Variants in TMC8 observed in about 807,000 individuals in gnomAD.
TMC8 encodes the protein transmembrane channel like 8.
Under a neutral mutation model 76.0 loss-of-function variants are expected in TMC8, and 71 were observed. The observed-to-expected ratio is 0.93, with a 90% confidence interval of 0.77 to 1.14. The LOEUF (loss-of-function observed/expected upper bound fraction) is 1.14. TMC8 is among the 50% of genes most tolerant of loss of function. TMC8 has a pLI of 0.00. For missense variants in TMC8, 924 were observed against 947.9 expected (o/e 0.97, Z 0.33); for synonymous variants, 433 against 433.8 (o/e 1.00, Z 0.02).
Position 78,135,021 on chromosome 17 carries a change from C to T in TMC8, c.1127+12C>T, listed in dbSNP as rs771260682. The T allele has an allele frequency of 6.2e-7, 1 of 1,613,706 alleles. No individual in the cohort carries two copies. The highest frequency in any genetic ancestry group is 2.2e-5 in the East Asian group (1 of 44,880). Reference sequence around the variant, plus strand: ...CTCACTCTGATCTGGTGAGTGCCACCCTTGGTGGGGACAAGTGGGCATGTA... The same window carrying T: ...CTCACTCTGATCTGGTGAGTGCCACTCTTGGTGGGGACAAGTGGGCATGTA... On this transcript the variant is annotated intron_variant, in intron 9 of 15. Transcript: ENST00000318430.
intron 9 of TMC8, chr17:78,136,814 C>A (rs932631800): frequency 4.5e-5 from 15 of 335,174 alleles, no homozygotes; most frequent in Non-Finnish European, 2.3e-5. Flanking sequence ...GTAATCCCAG[C>A]ACTTTGGGAG....
At position 78,131,302 on chromosome 17, in the gene TMC8, CTG is replaced by C; in HGVS notation, c.-281_-280del. 1 of 551,762 alleles carries C rather than the reference CTG, an allele frequency of 1.8e-6. No homozygotes were observed. 34.2% of individuals were successfully genotyped at this position (551,762 alleles called of 1,614,324 possible). On this transcript the variant is annotated 5_prime_UTR_variant, in exon 2 of 16. It introduces an in-frame stop codon into an upstream open reading frame of the 5' UTR. Coordinates refer to ENST00000318430, the MANE Select transcript of TMC8 (RefSeq NM_152468.5). ...ACAGATGGGGAGACTGAGGCCGTGG[CTG>C]TGTGTCCCTCTGAGAGTTGGAGCGG... is the stretch of plus-strand genomic sequence containing the variant.
intron 6 of TMC8, 81 bp downstream of exon 6, chr17:78,133,623 T>C: frequency 6.3e-7 from 1 of 1,595,704 alleles, no homozygotes; most frequent in African/African-American, 1.3e-5. Flanking sequence ...TACCCTCCCA[T>C]TGGCAGGAAG....
rs1238460007 is a variant in TMC8, at chr17:78,132,815, C to A, written c.476C>A (p.Ser159Tyr). 6.2e-7 allele frequency: 1 copy of A among 1,614,202 alleles called. No individual in the cohort carries two copies. The highest frequency in any genetic ancestry group is 1.1e-5 in the South Asian group (1 of 91,078). ...CTCCAGTGCCCTGGTAGCCGCCAGT[C>A]CCCGCCTGGCGTTTTGAGGTTCCAC... ...LTLQCPGSRQ[S>Y]PPGVLRFHNQ... The change falls in exon 5 of 16, where the codon TCC (serine) becomes TAC (tyrosine). Residue 159 changes from serine (S) to tyrosine (Y), a missense_variant. Transcript: ENST00000318430.
intron 1 of TMC8, 162 bp from the exon 2 acceptor site, chr17:78,131,119 G>C (rs147352708): frequency 4.3e-6 from 1 of 230,046 alleles, no homozygotes; most frequent in South Asian, 4.7e-5. Flanking sequence ...AGGCTCTTCC[G>C]GAAGGGCAAA....
chr17:78,139,561 C>A (rs1391787171), intron 15 of TMC8, among the ~76,000 whole-genome samples: 1 of 151,574 alleles, frequency 6.6e-6, no homozygotes, highest in Non-Finnish European at 1.5e-5. Flanking sequence ...AAGCAAGACC[C>A]TGGTCTCCAC....
rs2075365318 is a variant in TMC8 at position 78,141,102 on chromosome 17, C to G, written c.2171C>G (p.Ala724Gly). ...SARRFRFPSG[A>G]EL ...CGCAGATTCCGCTTCCCCAGCGGCG[C>G]GGAGCTGTAACCCCTACCCCTGCCT... Residue 724 changes from alanine (A) to glycine (G), a missense_variant, in exon 16 of 16, where the codon GCG becomes GGG. Coordinates refer to ENST00000318430, the MANE Select transcript of TMC8 (RefSeq NM_152468.5). 1.3e-6 allele frequency: 2 copies of G among 1,572,382 alleles called. No individual in the cohort carries two copies. Among genetic ancestry groups the G allele is most frequent in the Non-Finnish European group, 1.7e-6 (2 of 1,165,314 alleles).
rs1363230504 is a variant in TMC8, at chr17:78,132,026, C to CG, written c.298+1dup. ...TCTGGGAGGGGGCGCTCTACGAGAT[C>CG]GGGGGTAGGACCCGCGCGACCCGCA... On this transcript the variant is annotated frameshift_variant, in exon 3 of 16. Coordinates refer to ENST00000318430, the MANE Select transcript of TMC8 (RefSeq NM_152468.5). LOFTEE classifies it high-confidence loss of function. The CG allele has an allele frequency of 3.9e-6, 6 of 1,533,832 alleles. No homozygotes were observed. In the African/African-American group the frequency reaches 8.2e-5, roughly 21 times the overall value.
In TMC8 at chr17:78,138,472, G is replaced by A; in HGVS notation, c.1657G>A (p.Val553Ile). ...LLAAVPLGYV[V>I]SSIHSSWDCG... ...GGCTGCAGTGCCCCTGGGCTATGTG[G>A]TCAGCAGGTGAGGGGAAGAGGAGGG... The change falls in exon 13 of 16, where the codon GTC becomes ATC. Residue 553 changes from valine (V) to isoleucine (I), a missense_variant. Physicochemically the swap from Val to Ile is conservative, Grantham distance 29. Transcript: ENST00000318430. 6.2e-7 allele frequency: 1 copy of A among 1,613,440 alleles called. No individual in the cohort carries two copies. The highest frequency in any genetic ancestry group is 1.1e-5 in the South Asian group (1 of 91,088).
At chr17:78,134,727 C>A in intron 8 of TMC8, 143 bp from the exon 9 acceptor site, 2 of 1,520,952 alleles carry the variant, frequency 1.3e-6, no homozygotes, top group South Asian at 1.2e-5. Context: ...TTCCCGCCAA[C>A]TGCCAGGCTG....
Position 78,131,745 on chromosome 17 carries a change from C to G in TMC8, c.149+8C>G. 1 of 1,577,762 alleles carries G rather than the reference C, an allele frequency of 6.3e-7. No individual in the cohort carries two copies. Among genetic ancestry groups the G allele is most frequent in the Non-Finnish European group, 8.6e-7 (1 of 1,164,296 alleles). ...GGACAAGCGCCTCATCTGGTGGGTGCCACGCGGGCGCCAGACGGTGCGTGG... is the reference window on the plus strand; with the variant it reads ...GGACAAGCGCCTCATCTGGTGGGTGGCACGCGGGCGCCAGACGGTGCGTGG... On this transcript the variant is annotated splice_region_variant and intron_variant, in intron 2 of 15. Transcript: ENST00000318430.
intron 9 of TMC8, among the ~76,000 whole-genome samples, chr17:78,135,364 C>T (rs2075196514): frequency 1.3e-5 from 2 of 152,212 alleles, no homozygotes; most frequent in African/African-American, 4.8e-5. Flanking sequence ...CTTACCTGGA[C>T]AACCCTCACG....
At chr17:78,134,283 C>T in intron 7 of TMC8, 111 bp from the exon 8 acceptor site, 2 of 1,309,268 alleles carry the variant, frequency 1.5e-6, no homozygotes, top group South Asian at 1.2e-5. Context: ...GAGTTTGTGA[C>T]TGTGTATGTG....
In TMC8 at chr17:78,137,362, G is replaced by A; in HGVS notation, c.1251+4G>A. The A allele has an allele frequency of 2.5e-6, 4 of 1,613,854 alleles. No individual in the cohort carries two copies. The highest frequency in any genetic ancestry group is 3.4e-6 in the Non-Finnish European group (4 of 1,179,984). On this transcript the variant is annotated splice_donor_region_variant and intron_variant, in intron 10 of 15. Transcript: ENST00000318430. The stretch of plus-strand genomic sequence containing the variant: ...CTACAACGTTTGTGACTATCAGGTG[G>A]CTGGCAGCCCGGCGGGGCCTGTCCC...
intron 11 of TMC8, 95 bp downstream of exon 11, chr17:78,137,909 T>C: frequency 1.9e-6 from 3 of 1,597,410 alleles, no homozygotes; most frequent in Non-Finnish European, 2.6e-6. Context: ...GGGTCCAGTG[T>C]GGAGCCCGGG....
intron 15 of TMC8, 96 bp from the exon 16 acceptor site, chr17:78,140,738 C>G (rs2075355650): frequency 2.0e-6 from 3 of 1,502,826 alleles, no homozygotes; most frequent in South Asian, 1.2e-5. Context: ...TGGGTGCGGG[C>G]TGGCCCATGG....
chr17:78,134,145 G>A (rs531799383), intron 7 of TMC8, 145 bp downstream of exon 7: 53 of 1,287,844 alleles, frequency 4.1e-5, no homozygotes, highest in South Asian at 2.1e-4. Flanking sequence ...CTGTGGGAGC[G>A]TGATGGAGAG....
At position 78,131,300 on chromosome 17, in the gene TMC8, G is replaced by C. The variant is rs572942664; in HGVS notation, c.-289G>C. 7.3e-4 allele frequency: 404 copies of C among 550,346 alleles called. No individual in the cohort carries two copies. The highest frequency in any genetic ancestry group is 1.0e-3 in the Non-Finnish European group (304 of 304,994). 34.1% of individuals were successfully genotyped at this position (550,346 alleles called of 1,614,324 possible). On this transcript the variant is annotated 5_prime_UTR_variant, in exon 2 of 16. Coordinates refer to ENST00000318430, the MANE Select transcript of TMC8 (RefSeq NM_152468.5). ...TGACAGATGGGGAGACTGAGGCCGTGGCTGTGTGTCCCTCTGAGAGTTGGA... is the reference window on the plus strand; with the variant it reads ...TGACAGATGGGGAGACTGAGGCCGTCGCTGTGTGTCCCTCTGAGAGTTGGA...
At position 78,138,663 on chromosome 17, in the gene TMC8, C is replaced by T; in HGVS notation, c.1754C>T (p.Pro585Leu). The change falls in exon 14 of 16, where the codon CCC (proline) becomes CTC (leucine). Residue 585 changes from proline to leucine, a missense_variant. Transcript: ENST00000318430. ...GAGCTGGTGGCCCTTGGGCTCCCGC[C>T]CATTGGCCAGCGTGCCCTCCACTAC... is the stretch of plus-strand genomic sequence containing the variant. ...VPELVALGLP[P>L]IGQRALHYLG... The T allele has an allele frequency of 2.5e-6, 4 of 1,613,736 alleles. No individual in the cohort carries two copies. Among genetic ancestry groups the T allele is most frequent in the Non-Finnish European group, 3.4e-6 (4 of 1,180,026 alleles).
Sources: allele counts gnomAD v4.1 joint callset (sites outside exome capture counted in the v4.1 genomes callset), GRCh38; gene constraint gnomAD v4.1.1; transcripts MANE v1.5; gene names NCBI Gene and HGNC (gene_info 2026-07-23, HGNC 2026-07-21).